Variants in PDE1A observed in about 807,000 individuals in gnomAD.
PDE1A encodes the protein phosphodiesterase 1A.
Under a neutral mutation model 61.7 loss-of-function variants are expected in PDE1A, and 35 were observed. The observed-to-expected ratio is 0.57, with a 90% confidence interval of 0.43 to 0.75. The LOEUF is 0.75. Ranked by LOEUF, PDE1A falls within the 30% of genes least tolerant of loss-of-function variation. PDE1A has a pLI of 0.00. For missense variants in PDE1A, 597 were observed against 630.6 expected, an observed-to-expected ratio of 0.95 and a Z score of 0.57; for synonymous variants, 232 against 213.2, an observed-to-expected ratio of 1.09 and a Z score of -0.77.
At chr2:182,152,194 A>G (rs1440391858) in intron 13 of PDE1A, among the ~76,000 whole-genome samples, 2 of 152,112 alleles carry the variant, frequency 1.3e-5, no homozygotes, top group Non-Finnish European at 2.9e-5. Context: ...CTTCAGCTTT[A>G]CTTTTAGACC....
intron 1 of PDE1A, among the ~76,000 whole-genome samples, chr2:182,283,270 T>G (rs1693935886): frequency 6.6e-6 from 1 of 151,998 alleles, no homozygotes; most frequent in African/African-American, 2.4e-5. Context: ...TATGATAAAG[T>G]GATTCTGATG....
At chr2:182,213,498 C>CAAAG (rs199721786) in intron 7 of PDE1A, among the ~76,000 whole-genome samples, 2 of 67,342 alleles carry the variant, frequency 3.0e-5, no homozygotes. Context: ...AAACCAAAGG[C>CAAAG]AAAGAAGTTG....
chr2:182,511,592 T>C (rs1449959062), intron 2 of PDE1A, among the ~76,000 whole-genome samples: 1 of 152,260 alleles, frequency 6.6e-6, no homozygotes, highest in African/African-American at 2.4e-5. Context: ...ACAGCTATAG[T>C]GGAGCACAGC....
intron 1 of PDE1A, among the ~76,000 whole-genome samples, chr2:182,394,959 A>C (rs779367088): frequency 6.6e-6 from 1 of 152,186 alleles, no homozygotes; most frequent in Non-Finnish European, 1.5e-5. Flanking sequence ...TGATTTCCAT[A>C]ACATCCATAT....
chr2:182,272,651 C>T (rs1414981707), intron 1 of PDE1A, among the ~76,000 whole-genome samples: 2 of 152,016 alleles, frequency 1.3e-5, no homozygotes, highest in Non-Finnish European at 2.9e-5. Context: ...TGGAAACTAA[C>T]TAGTCCAGAT....
chr2:182,420,577 T>G (rs917792099), intron 1 of PDE1A, among the ~76,000 whole-genome samples: 58 of 152,324 alleles, frequency 3.8e-4, no homozygotes, highest in Middle Eastern at 6.8e-3. Flanking sequence ...TTTTCAAGCC[T>G]ATAAGCAGCT....
At chr2:182,579,905 C>T in the PDE1A span, among the ~76,000 whole-genome samples, 1 of 152,140 alleles carries the variant, frequency 6.6e-6, no homozygotes, top group Non-Finnish European at 1.5e-5. Context: ...GTCTAGCTAA[C>T]TCTTCTTGTC....
exon 2 of PDE1A, chr2:182,522,375 A>G: frequency 6.2e-7 from 1 of 1,613,382 alleles, no homozygotes; most frequent in Non-Finnish European, 8.5e-7. Flanking sequence ...ACTAGACCCC[A>G]TGATGATGCT....
At chr2:182,174,899 C>T (rs1246889070) in intron 13 of PDE1A, among the ~76,000 whole-genome samples, 2 of 152,110 alleles carry the variant, frequency 1.3e-5, no homozygotes, top group Non-Finnish European at 2.9e-5. Flanking sequence ...CCCCTAGCTC[C>T]CCACCCTCTG....
Position 182,172,923 on chromosome 2 carries a change from A to G in PDE1A, c.1517-4633T>C, listed in dbSNP as rs1203484771. Among the ~76,000 whole-genome samples, 3 of 152,022 alleles carry G rather than the reference A, an allele frequency of 2.0e-5. No individual in the cohort carries two copies. In the East Asian group the frequency reaches 5.8e-4, roughly 29 times the overall value. On this transcript the variant is annotated intron_variant, in intron 13 of 13. Coordinates refer to ENST00000351439, the Ensembl canonical transcript of PDE1A. Reference sequence around the variant, plus strand: ...GGACCAGTCATGACCTTGTCCACTGATCTTCCCAGGAGTAGAGAGCAAACA... The same window carrying G: ...GGACCAGTCATGACCTTGTCCACTGGTCTTCCCAGGAGTAGAGAGCAAACA...
Position 182,354,343 on chromosome 2 carries a change from A to C in PDE1A, c.53+72235T>G, listed in dbSNP as rs1477465118. ...AGAATCTACCCATCCGAAATATTTG[A>C]AAGCGAGAACAGGGGCACATCCTAT... On this transcript the variant is annotated intron_variant, in intron 1 of 13. Coordinates refer to ENST00000351439, the Ensembl canonical transcript of PDE1A. 2.6e-5 allele frequency among the ~76,000 whole-genome samples: 4 copies of C among 152,158 alleles called. No individual in the cohort carries two copies. The East Asian group carries it at 5.8e-4, about 22-fold the overall frequency.
the PDE1A span, among the ~76,000 whole-genome samples, chr2:182,665,394 A>G: frequency 6.6e-6 from 1 of 152,194 alleles, no homozygotes; most frequent in Non-Finnish European, 1.5e-5. Flanking sequence ...TAACCCCATC[A>G]AAAAGTGGAC....
chr2:182,667,573 C>T, the PDE1A span, among the ~76,000 whole-genome samples: 9,953 of 152,258 alleles, frequency 0.065, 1,041 homozygotes, highest in African/African-American at 0.23. Flanking sequence ...AGGGACACAG[C>T]ACCCATATAA....
At chr2:182,323,943 C>G (rs376434502) in intron 1 of PDE1A, among the ~76,000 whole-genome samples, 2 of 152,068 alleles carry the variant, frequency 1.3e-5, no homozygotes, top group South Asian at 2.1e-4. Context: ...TTTTCAGGCA[C>G]AGCATAGATT....
chr2:182,454,122 T>C lies in PDE1A; in HGVS notation c.101+68154A>G, dbSNP rs1440600047. On this transcript the variant is annotated intron_variant, in intron 2 of 14. Coordinates refer to the PDE1A transcript ENST00000410103. ...AATCACAAGCATTCTTATACACGAA[T>C]AACAGACAAACAGAGAGCCAAATCA... is the stretch of plus-strand genomic sequence containing the variant. 3.9e-5 allele frequency among the ~76,000 whole-genome samples: 6 copies of C among 152,078 alleles called. No individual in the cohort carries two copies. The East Asian group carries it at 1.2e-3, about 29-fold the overall frequency.
intron 2 of PDE1A, among the ~76,000 whole-genome samples, chr2:182,507,974 T>A (rs1240775225): frequency 6.6e-6 from 1 of 152,192 alleles, no homozygotes; most frequent in African/African-American, 2.4e-5. Context: ...AAGATTATTT[T>A]TCTGAAATAA....
At position 182,185,888 on chromosome 2, in the gene PDE1A, C is replaced by G; in HGVS notation, c.1516+4G>C. 1 of 1,613,868 alleles carries G rather than the reference C, an allele frequency of 6.2e-7. No homozygotes were observed. The highest frequency in any genetic ancestry group is 1.1e-5 in the South Asian group (1 of 91,082). On this transcript the variant is annotated splice_donor_region_variant and intron_variant, in intron 13 of 13. Transcript: ENST00000351439. ...TGGCAGTAAGGCCTCATAAACAACA[C>G]TACCTTGTGCAGCTAACTCTTTCCA...
At chr2:182,390,449 T>C (rs560090438) in intron 1 of PDE1A, among the ~76,000 whole-genome samples, 15 of 152,306 alleles carry the variant, frequency 9.8e-5, no homozygotes, top group African/African-American at 3.1e-4. Context: ...TTCAACCATA[T>C]GTGGAGAACC....
At chr2:182,193,041 G>C (rs933909928) in intron 10 of PDE1A, among the ~76,000 whole-genome samples, 3 of 152,030 alleles carry the variant, frequency 2.0e-5, no homozygotes, top group Non-Finnish European at 4.4e-5. Context: ...AGGCTGGAGT[G>C]CAGTAGCATG....
Sources: allele counts gnomAD v4.1 joint callset (sites outside exome capture counted in the v4.1 genomes callset), GRCh38; gene constraint gnomAD v4.1.1; transcripts MANE v1.5; gene names NCBI Gene and HGNC (gene_info 2026-07-23, HGNC 2026-07-21).